The following CLK1 variants were observed in gnomAD, a reference collection of about 807,000 sequenced individuals.
CLK1 encodes dual specificity protein kinase CLK1.
Under a neutral mutation model 60.9 loss-of-function variants are expected in CLK1, and 40 were observed. That is an observed-to-expected ratio of 0.66 (90% confidence interval 0.51 to 0.86). CLK1 has a LOEUF of 0.86. Ranked by LOEUF, CLK1 falls within the 40% of genes least tolerant of loss-of-function variation. CLK1 has a pLI of 0.00. For synonymous variants in CLK1, 203 were observed against 184.4 expected (o/e 1.10, Z -0.82); for missense variants, 563 against 606.1 (o/e 0.93, Z 0.75).
chr2:200,860,394 C>T, intron 3 of CLK1, 179 bp from the exon 4 acceptor site: 1 of 1,361,658 alleles, frequency 7.3e-7, no homozygotes, highest in Non-Finnish European at 9.5e-7. Flanking sequence ...TCACAGGGCA[C>T]ATAGTTTATG....
chr2:200,861,955 T>C (rs980578113), intron 1 of CLK1, 93 bp from the exon 2 acceptor site: 2 of 986,594 alleles, frequency 2.0e-6, no homozygotes, highest in Non-Finnish European at 3.0e-6. Flanking sequence ...TGACCTCGTT[T>C]TAAGACCAAA....
In CLK1 at chr2:200,857,738, T is replaced by C. The variant is rs770907467; in HGVS notation, c.812A>G (p.Gln271Arg). 1 of 1,600,170 alleles carries C rather than the reference T, an allele frequency of 6.2e-7. No individual in the cohort carries two copies. Among genetic ancestry groups the C allele is most frequent in the Non-Finnish European group, 8.5e-7 (1 of 1,173,574 alleles). The change falls in exon 7 of 13, where the codon CAG becomes CGG. Residue 271 changes from glutamine (Q) to arginine (R), a missense_variant. Transcript: ENST00000321356. ...RLDHIRKMAY[Q>R]ICKSVNFLHS... The stretch of plus-strand genomic sequence containing the variant: ...CTTACAATTCACAGACTTGCATATC[T>C]GATATGCCATCTTTCTGATATGATC...
At chr2:200,856,209 T>C (rs2105735896) in intron 9 of CLK1, among the ~76,000 whole-genome samples, 1 of 151,978 alleles carries the variant, frequency 6.6e-6, no homozygotes, top group African/African-American at 2.4e-5. Context: ...TAGCTGGAAC[T>C]ACTGACGTGT....
At chr2:200,861,620 T>A in intron 2 of CLK1, 82 bp downstream of exon 2, 5 of 1,570,878 alleles carry the variant, frequency 3.2e-6, no homozygotes, top group Non-Finnish European at 4.3e-6. Flanking sequence ...CGAATGGTAG[T>A]AATCAGGTAC....
At chr2:200,853,879 T>C (rs2038993091) in intron 12 of CLK1, 24 bp downstream of exon 12, 10 of 1,551,670 alleles carry the variant, frequency 6.4e-6, no homozygotes, top group African/African-American at 5.5e-5. Flanking sequence ...TTTTGACTAT[T>C]TGAGCAATGT....
In CLK1 at chr2:200,861,380, C is replaced by T; in HGVS notation, c.248G>A (p.Gly83Glu). 1 of 1,614,142 alleles carries T rather than the reference C, an allele frequency of 6.2e-7. No homozygotes were observed. The highest frequency in any genetic ancestry group is 8.5e-7 in the Non-Finnish European group (1 of 1,180,030). The change falls in exon 3 of 13, where the codon GGA (glycine) becomes GAA (glutamate). Residue 83 changes from glycine (G) to glutamate (E), a missense_variant. This residue lies in a region of CLK1 where 198 missense variants were observed against 179.2 expected (regional missense o/e 1.10). Transcript: ENST00000321356. ...IDEYRNDYTQ[G>E]CEPGHRQRDH... ...TCTTTGGCGATGTCCAGGTTCACAT[C>T]CTTGAGTGTAGTCATTTCTGTACTC...
In CLK1 at chr2:200,853,951, TTCATCCCAG is replaced by T; in HGVS notation, c.1254_1262del (p.Asp418_Asp420del). The T allele has an allele frequency of 6.2e-7, 1 of 1,612,314 alleles. No homozygotes were observed. Among genetic ancestry groups the T allele is most frequent in the Non-Finnish European group, 8.5e-7 (1 of 1,179,160 alleles). On this transcript the variant is annotated inframe_deletion, in exon 12 of 13. Transcript: ENST00000321356. Reference sequence around the variant, plus strand: ...AAACATATCTGCCGGCAGAACTGTGTTCATCCCAGTCTAATCGATCGTGGTGAAAATATT... The same window carrying T: ...AAACATATCTGCCGGCAGAACTGTGTTCTAATCGATCGTGGTGAAAATATT...
At position 200,860,724 on chromosome 2, in the gene CLK1, G is replaced by A. The variant is rs146188742; in HGVS notation, c.391-509C>T. 1.9e-3 allele frequency: 1,892 copies of A among 998,552 alleles called. 2 individuals carry two copies. The highest frequency in any genetic ancestry group is 3.9e-3 in the South Asian group (89 of 23,054). The allele number at this position is 998,552 out of a possible 1,614,324, so 61.9% of individuals were successfully genotyped here. A position where few individuals can be genotyped will look rare whatever the true frequency, so the allele number is the denominator to read the frequency against. On this transcript the variant is annotated intron_variant, in intron 3 of 12. Coordinates refer to ENST00000321356, the MANE Select transcript of CLK1 (RefSeq NM_004071.4). ...ATTTGGCATACAAGAATAACACTAC[G>A]GCATTTTTAATGTCATCTGAGCTGA...
chr2:200,854,362 T>C lies in CLK1; in HGVS notation c.1220+254A>G, dbSNP rs181739994. Reference sequence around the variant, plus strand: ...CATCCTGGCTAACATGGTGAAACCTTGTCTCTACTAAAAATACAAAAAAAT... The same window carrying C: ...CATCCTGGCTAACATGGTGAAACCTCGTCTCTACTAAAAATACAAAAAAAT... On this transcript the variant is annotated intron_variant, in intron 11 of 12. Transcript: ENST00000321356. 7.0e-3 allele frequency among the ~76,000 whole-genome samples: 1,057 copies of C among 151,952 alleles called. 14 individuals are homozygous for C. Among genetic ancestry groups the C allele is most frequent in the African/African-American group, 0.024 (975 of 41,444 alleles).
In CLK1 at chr2:200,856,784, G is replaced by C. The variant is rs568656038; in HGVS notation, c.955C>G (p.Pro319Ala). The C allele has an allele frequency of 6.2e-7, 1 of 1,613,596 alleles. No homozygotes were observed. Among genetic ancestry groups the C allele is most frequent in the South Asian group, 1.1e-5 (1 of 91,010 alleles). Residue 319 changes from proline to alanine, a missense_variant, in exon 9 of 13, where the codon CCA (proline) becomes GCA (alanine). Pro to Ala is a conservative substitution (Grantham distance 27). This residue lies in a region of CLK1 where 360 missense variants were observed against 407.0 expected (regional missense o/e 0.88). Coordinates refer to ENST00000321356, the MANE Select transcript of CLK1 (RefSeq NM_004071.4). The part of the protein sequence containing the change: ...IKRDERTLIN[P>A]DIKVVDFGSA... Reference sequence around the variant, plus strand: ...CCAAAGTCTACAACTTTAATATCTGGATTTATTAAGGTGCGTTCATCACGT... The same window carrying C: ...CCAAAGTCTACAACTTTAATATCTGCATTTATTAAGGTGCGTTCATCACGT...
Position 200,853,174 on chromosome 2 carries a change from T to C in CLK1, c.*132A>G, listed in dbSNP as rs1007519808. On this transcript the variant is annotated 3_prime_UTR_variant, in exon 13 of 13. Coordinates refer to ENST00000321356, the MANE Select transcript of CLK1 (RefSeq NM_004071.4). ...TAGCTATGTACTTAATGAACCAAAT[T>C]ACCCAAACAAAATAAACATGGCAAT... is the stretch of plus-strand genomic sequence containing the variant. The C allele has an allele frequency of 6.8e-5, 44 of 649,090 alleles. No individual in the cohort carries two copies. Among genetic ancestry groups the C allele is most frequent in the Admixed American group, 1.0e-4 (3 of 28,740 alleles). 40.2% of individuals were successfully genotyped at this position (649,090 alleles called of 1,614,324 possible).
At chr2:200,853,529 T>C (rs1436096820) in intron 12 of CLK1, 80 bp from the exon 13 acceptor site, 11 of 1,281,966 alleles carry the variant, frequency 8.6e-6, no homozygotes, top group Non-Finnish European at 1.2e-5. Flanking sequence ...GTAAACCATA[T>C]ATATATAACC....
chr2:200,860,434 G>A, intron 3 of CLK1: 1 of 1,262,306 alleles, frequency 7.9e-7, no homozygotes, highest in Non-Finnish European at 1.0e-6. Flanking sequence ...GCAAGGAACA[G>A]ATTTTCAGAT....
In CLK1 at chr2:200,861,277, G is replaced by A; in HGVS notation, c.351C>T (p.His117=). 2.5e-6 allele frequency: 4 copies of A among 1,614,156 alleles called. No homozygotes were observed. Among genetic ancestry groups the A allele is most frequent in the Non-Finnish European group, 3.4e-6 (4 of 1,180,008 alleles). ...GATGTGAAGTACTGTGGTGAATCCT[G>A]TGTTTGCTTTTATAACTACTTCTTC... ...RSGRSSYKSK[H]RIHHSTSHRR... is the part of the protein sequence containing the mutation. Residue 117 remains histidine (H), a synonymous_variant, in exon 3 of 13, where the codon CAC becomes CAT. Transcript: ENST00000321356.
chr2:200,863,436 T>C (rs1199292860), intron 1 of CLK1, among the ~76,000 whole-genome samples: 3 of 152,034 alleles, frequency 2.0e-5, no homozygotes, highest in Non-Finnish European at 2.9e-5. Flanking sequence ...CGCGCGCCTG[T>C]AGTCCCAACT....
intron 12 of CLK1, 46 bp from the exon 13 acceptor site, chr2:200,853,495 T>G: frequency 2.0e-6 from 3 of 1,531,600 alleles, no homozygotes; most frequent in Non-Finnish European, 2.7e-6. Flanking sequence ...TCCACTACCA[T>G]TGACTACACT....
At chr2:200,857,588 A>C (rs1300108735) in intron 7 of CLK1, 130 bp downstream of exon 7, 1 of 718,654 alleles carries the variant, frequency 1.4e-6, no homozygotes, top group Non-Finnish European at 2.2e-6. Flanking sequence ...CTGTAATCAA[A>C]TCTCTTCATA....
intron 7 of CLK1, 103 bp from the exon 8 acceptor site, chr2:200,857,088 CT>C: frequency 2.3e-6 from 2 of 863,244 alleles, no homozygotes; most frequent in Non-Finnish European, 3.7e-6. Flanking sequence ...CTGTAATCAC[CT>C]GAGGTCAGGA....
At chr2:200,856,600 C>G (rs766491345) in intron 9 of CLK1, 82 bp downstream of exon 9, 5 of 1,171,564 alleles carry the variant, frequency 4.3e-6, no homozygotes, top group Non-Finnish European at 4.8e-6. Context: ...TAAAGCCCCA[C>G]AAGTAAGACC....
Sources: gnomAD v4.1 joint callset for allele counts (sites outside exome capture counted in the v4.1 genomes callset) on GRCh38, gnomAD v4.1.1 for gene constraint, gnomAD v4.1.1 regional missense constraint, MANE v1.5 for transcripts, NCBI Gene and HGNC (gene_info 2026-07-23, HGNC 2026-07-21) for gene names.